Variants in PPP1R17 observed in about 807,000 individuals in gnomAD.
PPP1R17 encodes G-substrate.
In PPP1R17, 12 loss-of-function variants were observed where a neutral mutation model predicts 15.9. The ratio of observed to expected loss-of-function variants is 0.75; its 90% confidence interval spans 0.48 to 1.22. PPP1R17 has a LOEUF of 1.22. PPP1R17 is among the 50% of genes most tolerant of loss of function. The pLI, the probability that PPP1R17 is intolerant of heterozygous loss-of-function variation, is 0.00. For synonymous variants in PPP1R17, 63 were observed against 64.5 expected (o/e 0.98, Z 0.11); for missense variants, 211 against 187.3 (o/e 1.13, Z -0.74).
At chr7:31,705,705 CA>C (rs1793036655) in intron 4 of PPP1R17, among the ~76,000 whole-genome samples, 1 of 152,048 alleles carries the variant, frequency 6.6e-6, no homozygotes, top group African/African-American at 2.4e-5. Context: ...TTCTCTTTCT[CA>C]AGTGTAGATC....
Position 31,695,594 on chromosome 7 carries a change from G to A in PPP1R17, c.208G>A (p.Ala70Thr), listed in dbSNP as rs146525582. The change falls in exon 3 of 5, where the codon GCG (alanine) becomes ACG (threonine). Residue 70 changes from alanine to threonine, a missense_variant. Transcript: ENST00000342032. ...AAAACCAAGGAGGAAAGATACACCGGCGCTGCACATCCCACCTTTCATACC... is the reference window on the plus strand; with the variant it reads ...AAAACCAAGGAGGAAAGATACACCGACGCTGCACATCCCACCTTTCATACC... ...QKKPRRKDTP[A>T]LHIPPFIPGV... The A allele has an allele frequency of 7.3e-5, 117 of 1,613,692 alleles. No individual in the cohort carries two copies. The African/African-American group carries it at 1.3e-3, about 18-fold the overall frequency.
chr7:31,691,860 C>T (rs922371449), intron 1 of PPP1R17, among the ~76,000 whole-genome samples: 1 of 142,710 alleles, frequency 7.0e-6, no homozygotes, highest in Non-Finnish European at 1.5e-5. Context: ...TTATTCAATT[C>T]GGGTTCAAAG....
At chr7:31,689,783 A>G (rs575599224) in intron 1 of PPP1R17, among the ~76,000 whole-genome samples, 22 of 152,198 alleles carry the variant, frequency 1.4e-4, no homozygotes, top group Non-Finnish European at 3.1e-4. Context: ...CCGTAATGAC[A>G]TCATTCATGA....
chr7:31,706,714 C>A lies in PPP1R17; in HGVS notation c.389-490C>A, dbSNP rs75595151. Among the ~76,000 whole-genome samples the A allele has an allele frequency of 6.6e-3, 1,006 of 152,260 alleles. 8 individuals carry two copies. Among genetic ancestry groups the A allele is most frequent in the African/African-American group, 0.023 (958 of 41,538 alleles). On this transcript the variant is annotated intron_variant, in intron 4 of 4. Transcript: ENST00000342032. ...AATAAACGAGCAAATATTGAAAGGA[C>A]AGGAAAAGCCGACATTTACTTGCTC... is the stretch of plus-strand genomic sequence containing the variant.
At chr7:31,697,303 G>C (rs1792630343) in intron 4 of PPP1R17, among the ~76,000 whole-genome samples, 186 bp downstream of exon 4, 1 of 152,158 alleles carries the variant, frequency 6.6e-6, no homozygotes, top group African/African-American at 2.4e-5. Flanking sequence ...GCTCCCCAGG[G>C]GCTGATGTGG....
chr7:31,693,563 G>GA (rs1468729880), intron 2 of PPP1R17, among the ~76,000 whole-genome samples: 7 of 152,160 alleles, frequency 4.6e-5, no homozygotes, highest in Admixed American at 4.6e-4. Flanking sequence ...ATGGAGAAAA[G>GA]AGTATAACAC....
At position 31,702,203 on chromosome 7, in the gene PPP1R17, A is replaced by ATTTTTT. The variant is rs1464104354; in HGVS notation, c.389-4998_389-4997insTTTTTT. Among the ~76,000 whole-genome samples the ATTTTTT allele has an allele frequency of 6.2e-3, 778 of 125,288 alleles. 5 individuals carry two copies. The highest frequency in any genetic ancestry group is 0.024 in the African/African-American group (740 of 30,722). 82.2% of individuals were successfully genotyped at this position (125,288 alleles called of 152,430 possible). A position where few individuals can be genotyped will look rare whatever the true frequency, so the allele number is the denominator to read the frequency against. Reference sequence around the variant, plus strand: ...TGGCTTAAATCAGCTTTTCACCCTTATTTATTTTTTTTTTTGCCTCTACCA... The same window carrying ATTTTTT: ...TGGCTTAAATCAGCTTTTCACCCTTATTTTTTTTTATTTTTTTTTTTGCCTCTACCA... On this transcript the variant is annotated intron_variant, in intron 4 of 4. Coordinates refer to ENST00000342032, the MANE Select transcript of PPP1R17 (RefSeq NM_006658.5).
intron 1 of PPP1R17, among the ~76,000 whole-genome samples, chr7:31,689,538 A>G (rs1018547621): frequency 7.2e-5 from 11 of 152,210 alleles, no homozygotes; most frequent in African/African-American, 2.6e-4. Context: ...CAGGAATAGG[A>G]AATGGAAATA....
intron 4 of PPP1R17, among the ~76,000 whole-genome samples, chr7:31,700,776 T>G (rs1392699785): frequency 6.6e-6 from 1 of 152,108 alleles, no homozygotes; most frequent in Non-Finnish European, 1.5e-5. Flanking sequence ...CCTAGGGCCC[T>G]TATGAATTAT....
rs2072409 is a variant in PPP1R17, at chr7:31,707,223, C to A, written c.408C>A (p.Asp136Glu). Residue 136 changes from aspartate (D) to glutamate (E), a missense_variant, in exon 5 of 5, where the codon GAC (aspartate) becomes GAA (glutamate). Transcript: ENST00000342032. ...PFAAGVTLLR[D>E]ERPKAIVEDD... Reference sequence around the variant, plus strand: ...TTGCAGGTGTGACATTGCTCAGGGACGAGAGACCCAAAGCAATCGTGGAAG... The same window carrying A: ...TTGCAGGTGTGACATTGCTCAGGGAAGAGAGACCCAAAGCAATCGTGGAAG... 1.2e-6 allele frequency: 2 copies of A among 1,613,576 alleles called. No homozygotes were observed. The highest frequency in any genetic ancestry group is 1.3e-5 in the African/African-American group (1 of 74,964).
At chr7:31,697,886 T>C (rs1039821966) in intron 4 of PPP1R17, among the ~76,000 whole-genome samples, 2 of 152,224 alleles carry the variant, frequency 1.3e-5, no homozygotes, top group African/African-American at 4.8e-5. Context: ...AAACAGAGAA[T>C]TTAATTAACT....
intron 1 of PPP1R17, among the ~76,000 whole-genome samples, chr7:31,689,288 C>T (rs1463276496): frequency 6.6e-6 from 1 of 152,196 alleles, no homozygotes; most frequent in Non-Finnish European, 1.5e-5. Context: ...TATGAAAACA[C>T]CCCCAAATGT....
rs1416514399 is a variant in PPP1R17 at position 31,708,432 on chromosome 7, C to T, written c.*1149C>T. On this transcript the variant is annotated 3_prime_UTR_variant, in exon 5 of 5. Transcript: ENST00000342032. ...AGATGGAAAAGATACAAGAGCTTGC[C>T]GGAAATAAAGCTACATCTATCCACA... is the stretch of plus-strand genomic sequence containing the variant. 2.0e-5 allele frequency: 3 copies of T among 152,158 alleles called. No homozygotes were observed. The highest frequency in any genetic ancestry group is 7.2e-5 in the African/African-American group (3 of 41,428). 9.4% of individuals were successfully genotyped at this position (152,158 alleles called of 1,614,324 possible). A position where few individuals can be genotyped will look rare whatever the true frequency, so the allele number is the denominator to read the frequency against.
rs149822759 is a variant in PPP1R17, at chr7:31,690,237, G to A, written c.-36-2169G>A. On this transcript the variant is annotated intron_variant, in intron 1 of 4. Transcript: ENST00000342032. ...CGGGTCTTCCTTAGCCAAAAATCTAGCGTGGTAGATAGACAACATTACATA... is the reference window on the plus strand; with the variant it reads ...CGGGTCTTCCTTAGCCAAAAATCTAACGTGGTAGATAGACAACATTACATA... Among the ~76,000 whole-genome samples, 10 of 152,298 alleles carry A rather than the reference G, an allele frequency of 6.6e-5. No individual in the cohort carries two copies. In the East Asian group the frequency reaches 1.9e-3, roughly 29 times the overall value.
Position 31,695,488 on chromosome 7 carries a change from C to A in PPP1R17, c.102C>A (p.Phe34Leu). ...CSHLDDLSDQ[F>L]IKDCDLKKKP... ...AATTAGATGATCTTTCAGACCAGTT[C>A]ATTAAGGACTGTGATCTCAAAAAGA... is the stretch of plus-strand genomic sequence containing the variant. Residue 34 changes from phenylalanine (F) to leucine (L), a missense_variant, in exon 3 of 5, where the codon TTC (phenylalanine) becomes TTA (leucine). By Grantham distance (22) the Phe-to-Leu change is conservative. Coordinates refer to ENST00000342032, the MANE Select transcript of PPP1R17 (RefSeq NM_006658.5). 1 of 1,609,204 alleles carries A rather than the reference C, an allele frequency of 6.2e-7. No homozygotes were observed. Among genetic ancestry groups the A allele is most frequent in the Non-Finnish European group, 8.5e-7 (1 of 1,178,434 alleles).
chr7:31,706,543 T>C (rs1432872661), intron 4 of PPP1R17, among the ~76,000 whole-genome samples: 1 of 152,190 alleles, frequency 6.6e-6, no homozygotes. Flanking sequence ...CATTTTGCTC[T>C]GAACCATGTG....
chr7:31,705,358 G>A (rs1793022574), intron 4 of PPP1R17, among the ~76,000 whole-genome samples: 1 of 152,166 alleles, frequency 6.6e-6, no homozygotes. Context: ...AAGCAAGGAT[G>A]GATGGAAAAT....
intron 2 of PPP1R17, among the ~76,000 whole-genome samples, chr7:31,694,150 T>A (rs1792471223): frequency 6.6e-6 from 1 of 152,188 alleles, no homozygotes. Flanking sequence ...AACTAGATCA[T>A]CTTTTAAATA....
intron 1 of PPP1R17, among the ~76,000 whole-genome samples, chr7:31,691,223 C>T (rs1792327291): frequency 6.6e-6 from 1 of 152,226 alleles, no homozygotes. Context: ...GATCTCAGCA[C>T]ATAGAGGAAG....
Sources: gnomAD v4.1 joint callset for allele counts (sites outside exome capture counted in the v4.1 genomes callset) on GRCh38, gnomAD v4.1.1 for gene constraint, MANE v1.5 for transcripts, NCBI Gene and HGNC (gene_info 2026-07-23, HGNC 2026-07-21) for gene names.